ARHGAP10: variants seen among roughly 807,000 people sequenced by gnomAD.
The protein encoded by ARHGAP10 is Rho GTPase activating protein 10.
Under a neutral mutation model 108.6 loss-of-function variants are expected in ARHGAP10, and 87 were observed. The ratio of observed to expected loss-of-function variants is 0.80; its 90% CI spans 0.67 to 0.96. The LOEUF is 0.96. Among genes scored for constraint, ARHGAP10 ranks in the 40% least tolerant of loss-of-function variants. The pLI is 0.00. For missense variants in ARHGAP10, 939 were observed against 954.5 expected (o/e 0.98, Z 0.21); for synonymous variants, 347 against 341.1 (o/e 1.02, Z -0.19).
rs569746308 is a variant in ARHGAP10, at chr4:148,055,746, G to A, written c.2028-7402G>A. Among the ~76,000 whole-genome samples, 6 of 152,258 alleles carry A rather than the reference G, an allele frequency of 3.9e-5. No individual in the cohort carries two copies. The East Asian group carries it at 5.8e-4, about 15-fold the overall frequency. ...AAGGTGAACAAGTTACTGCTTTTAC[G>A]TGCTGGCTTCATGTATTGGCTGGCT... On this transcript the variant is annotated intron_variant, in intron 20 of 22. Coordinates refer to ENST00000336498, the MANE Select transcript of ARHGAP10 (RefSeq NM_024605.4).
chr4:147,810,043 T>TA (rs1731957776), intron 1 of ARHGAP10, among the ~76,000 whole-genome samples: 1 of 152,266 alleles, frequency 6.6e-6, no homozygotes, highest in Admixed American at 6.5e-5. Context: ...TCACATATAG[T>TA]ATCTCTTTAT....
intron 1 of ARHGAP10, among the ~76,000 whole-genome samples, chr4:147,803,464 ATCTTT>A (rs1323417969): frequency 1.8e-4 from 27 of 152,302 alleles, no homozygotes; most frequent in Admixed American, 2.0e-4. Context: ...AACATTTCAT[ATCTTT>A]TCTTGTTATT....
chr4:147,836,623 A>C (rs990238512), intron 3 of ARHGAP10, among the ~76,000 whole-genome samples: 26 of 144,602 alleles, frequency 1.8e-4, no homozygotes, highest in African/African-American at 6.4e-4. Context: ...CCTGTGTCCC[A>C]GTTAGAGCTT....
At chr4:147,903,458 C>CAT (rs779160241) in intron 10 of ARHGAP10, among the ~76,000 whole-genome samples, 2 of 152,172 alleles carry the variant, frequency 1.3e-5, no homozygotes, top group Non-Finnish European at 2.9e-5. Flanking sequence ...CCTACCTTGA[C>CAT]ATATCATAAT....
intron 1 of ARHGAP10, among the ~76,000 whole-genome samples, chr4:147,779,473 AG>A (rs144268679): frequency 0.017 from 2,640 of 152,180 alleles, 77 homozygotes; most frequent in African/African-American, 0.061. Context: ...AAGGGTCCTG[AG>A]GGGGGAAAGC....
At chr4:147,921,935 A>G (rs1171533471) in intron 13 of ARHGAP10, among the ~76,000 whole-genome samples, 1 of 152,130 alleles carries the variant, frequency 6.6e-6, no homozygotes, top group Admixed American at 6.5e-5. Flanking sequence ...TGCAGCCACC[A>G]TGATTTGTAG....
At chr4:147,897,245 A>G (rs1736030963) in intron 10 of ARHGAP10, among the ~76,000 whole-genome samples, 1 of 151,322 alleles carries the variant, frequency 6.6e-6, no homozygotes, top group African/African-American at 2.4e-5. Context: ...TTTAGTTTAT[A>G]TATAATAATT....
At chr4:148,024,473 A>G (rs1741691315) in intron 19 of ARHGAP10, among the ~76,000 whole-genome samples, 2 of 152,210 alleles carry the variant, frequency 1.3e-5, no homozygotes, top group Non-Finnish European at 2.9e-5. Context: ...CCACGCAAGC[A>G]GGTGACAACT....
chr4:147,899,754 G>GT (rs748830216), intron 10 of ARHGAP10, among the ~76,000 whole-genome samples: 87 of 151,458 alleles, frequency 5.7e-4, no homozygotes, highest in Non-Finnish European at 1.1e-3. Flanking sequence ...TTTATACTTT[G>GT]TTTTTTTCCC....
intron 1 of ARHGAP10, among the ~76,000 whole-genome samples, chr4:147,769,111 G>A (rs560742672): frequency 6.6e-6 from 1 of 152,202 alleles, no homozygotes; most frequent in South Asian, 2.1e-4. Context: ...TTTCATTATT[G>A]CTCTCAGGAA....
Position 147,847,142 on chromosome 4 carries a change from G to T in ARHGAP10, c.313-9G>T. The T allele has an allele frequency of 2.5e-6, 4 of 1,609,276 alleles. No homozygotes were observed. Among genetic ancestry groups the T allele is most frequent in the Non-Finnish European group, 2.6e-6 (3 of 1,176,232 alleles). ...GCTGTGCTCTTTTGTTATCACTCTT[G>T]TTCTCTAGGCATTAAGTGTAACTGA... On this transcript the variant is annotated splice_polypyrimidine_tract_variant and intron_variant, in intron 3 of 22. Transcript: ENST00000336498.
chr4:147,935,891 C>T (rs965318925), intron 13 of ARHGAP10, among the ~76,000 whole-genome samples: 2 of 152,142 alleles, frequency 1.3e-5, no homozygotes, highest in Admixed American at 6.5e-5. Flanking sequence ...CCCCCTTGCA[C>T]CTCTCAGTAT....
chr4:147,938,957 A>G (rs1435925026), intron 13 of ARHGAP10, among the ~76,000 whole-genome samples: 2 of 152,210 alleles, frequency 1.3e-5, no homozygotes, highest in African/African-American at 4.8e-5. Context: ...TCCAGATTCA[A>G]TAATTATCAA....
chr4:148,045,078 T>A (rs972366813), intron 19 of ARHGAP10, among the ~76,000 whole-genome samples: 1 of 152,166 alleles, frequency 6.6e-6, no homozygotes, highest in African/African-American at 2.4e-5. Flanking sequence ...GGAACACACT[T>A]ATGAAATAAA....
At chr4:147,981,683 G>A (rs915876834) in intron 18 of ARHGAP10, among the ~76,000 whole-genome samples, 3 of 152,216 alleles carry the variant, frequency 2.0e-5, no homozygotes, top group Non-Finnish European at 4.4e-5. Context: ...TTATGTGGCT[G>A]TCAAAGTATT....
chr4:147,883,600 A>G (rs1256779187), intron 10 of ARHGAP10, among the ~76,000 whole-genome samples: 1 of 152,130 alleles, frequency 6.6e-6, no homozygotes, highest in Non-Finnish European at 1.5e-5. Flanking sequence ...CATTTGAGCA[A>G]TTTCCCCAAG....
chr4:147,837,587 T>C (rs1233675925), intron 3 of ARHGAP10, among the ~76,000 whole-genome samples: 1 of 150,026 alleles, frequency 6.7e-6, no homozygotes, highest in Non-Finnish European at 1.5e-5. Flanking sequence ...TTGGAAGAAC[T>C]GCTGCCTCTG....
intron 18 of ARHGAP10, among the ~76,000 whole-genome samples, chr4:147,967,754 G>C (rs922014263): frequency 6.6e-6 from 1 of 152,090 alleles, no homozygotes; most frequent in African/African-American, 2.4e-5. Context: ...CTGCCTGGGG[G>C]ATCTGCAAGG....
chr4:147,913,031 A>T, intron 12 of ARHGAP10, 43 bp from the exon 13 acceptor site: 1 of 1,527,330 alleles, frequency 6.5e-7, no homozygotes, highest in Non-Finnish European at 9.0e-7. Flanking sequence ...GAAATGTGAT[A>T]AATAATAATT....
Sources: gnomAD v4.1 joint callset for allele counts (sites outside exome capture counted in the v4.1 genomes callset) on GRCh38, gnomAD v4.1.1 for gene constraint, MANE v1.5 for transcripts, NCBI Gene and HGNC (gene_info 2026-07-23, HGNC 2026-07-21) for gene names.